GYS1: variants seen among roughly 807,000 people sequenced by gnomAD.
GYS1 encodes the protein glycogen synthase 1, also known as glycogen [starch] synthase, muscle.
GYS1 carries 60 observed loss-of-function variants against 89.1 expected under a neutral mutation model. The ratio of observed to expected loss-of-function variants is 0.67; its 90% CI spans 0.55 to 0.84. GYS1 has a LOEUF of 0.84. Ranked by LOEUF, GYS1 falls within the 40% of genes least tolerant of loss-of-function variation. GYS1 has a pLI of 0.00. For synonymous variants in GYS1, 366 were observed against 401.7 expected, an observed-to-expected ratio of 0.91 and a Z score of 1.06; for missense variants, 888 against 1,003.1, an observed-to-expected ratio of 0.89 and a Z score of 1.55.
chr19:48,976,139 A>G (rs1600136793), intron 10 of GYS1, among the ~76,000 whole-genome samples: 1 of 151,962 alleles, frequency 6.6e-6, no homozygotes, highest in East Asian at 1.9e-4. Flanking sequence ...CCGAGAAACT[A>G]CAACTCCCAG....
At chr19:48,992,967 C>T (rs770788501) in intron 1 of GYS1, 28 bp downstream of exon 1, 1 of 1,332,844 alleles carries the variant, frequency 7.5e-7, no homozygotes, top group Non-Finnish European at 1.1e-6. Flanking sequence ...TCCTTCTCGT[C>T]AAGGGCCCCG....
chr19:48,977,193 C>A (rs937392575), intron 10 of GYS1, among the ~76,000 whole-genome samples: 1 of 152,146 alleles, frequency 6.6e-6, no homozygotes, highest in Admixed American at 6.6e-5. Context: ...GCAGCCTCAG[C>A]CTCCTGGTCT....
At chr19:48,978,542 A>G (rs1352119945) in intron 8 of GYS1, among the ~76,000 whole-genome samples, 1 of 146,878 alleles carries the variant, frequency 6.8e-6, no homozygotes, top group African/African-American at 2.5e-5. Context: ...TATTATTATT[A>G]TTATTATTAT....
In GYS1 at chr19:48,969,390, G is replaced by T; in HGVS notation, c.2112C>A (p.Ser704Arg). 1 of 1,566,806 alleles carries T rather than the reference G, an allele frequency of 6.4e-7. No homozygotes were observed. The highest frequency in any genetic ancestry group is 1.4e-5 in the African/African-American group (1 of 73,812). The change falls in exon 16 of 16, where the codon AGC (serine) becomes AGA (arginine). Residue 704 changes from serine to arginine, a missense_variant. Ser to Arg is a moderately radical substitution (Grantham distance 110, BLOSUM62 -1). Coordinates refer to ENST00000323798, the MANE Select transcript of GYS1 (RefSeq NM_002103.5). Reference sequence around the variant, plus strand: ...TGTCCACAGAGTTGCGCTTGCTGCCGCTGGTGGAGGAGGTGCAGGACGCTC... The same window carrying T: ...TGTCCACAGAGTTGCGCTTGCTGCCTCTGGTGGAGGAGGTGCAGGACGCTC... ...PRRASCTSST[S>R]GSKRNSVDTA...
rs1555798424 is a variant in GYS1 at position 48,974,741 on chromosome 19, A to G, written c.1309-8T>C. On this transcript the variant is annotated splice_polypyrimidine_tract_variant and splice_region_variant and intron_variant, in intron 10 of 15. Coordinates refer to ENST00000323798, the MANE Select transcript of GYS1 (RefSeq NM_002103.5). ...AGGGGGGAAAGACTGCCGCTGCAGGAGCCACAAGAAGGGTAAGGGGTCATG... is the reference window on the plus strand; with the variant it reads ...AGGGGGGAAAGACTGCCGCTGCAGGGGCCACAAGAAGGGTAAGGGGTCATG... 9 of 1,579,524 alleles carry G rather than the reference A, an allele frequency of 5.7e-6. No homozygotes were observed. Among genetic ancestry groups the G allele is most frequent in the Non-Finnish European group, 7.8e-6 (9 of 1,148,872 alleles).
intron 7 of GYS1, 86 bp downstream of exon 7, chr19:48,982,169 A>G: frequency 1.4e-6 from 2 of 1,385,618 alleles, no homozygotes; most frequent in Non-Finnish European, 2.0e-6. Flanking sequence ...TTGGGATTAC[A>G]GGTGTGAGCC....
intron 5 of GYS1, among the ~76,000 whole-genome samples, chr19:48,984,662 G>A (rs2038814105): frequency 6.6e-6 from 1 of 152,066 alleles, no homozygotes; most frequent in Non-Finnish European, 1.5e-5. Context: ...CCAAAGTGTT[G>A]GGATTACAGG....
At chr19:48,982,181 C>A in intron 7 of GYS1, 74 bp downstream of exon 7, 2 of 1,485,522 alleles carry the variant, frequency 1.3e-6, no homozygotes, top group Non-Finnish European at 1.9e-6. Context: ...GTGTGAGCCA[C>A]TGTGCCTGGC....
At chr19:48,989,975 C>T (rs1199730459) in intron 2 of GYS1, among the ~76,000 whole-genome samples, 1 of 141,886 alleles carries the variant, frequency 7.0e-6, no homozygotes, top group Non-Finnish European at 1.5e-5. Flanking sequence ...CCTCCCCCTC[C>T]CAGCTGTTGT....
rs112516585 is a variant in GYS1, at chr19:48,978,247, C to T, written c.1170-90G>A. ...GTTAGTTTGTTTGTTTATTTTGAGA[C>T]GGAGTTTGGCTCTTGTTGCCCAGGC... On this transcript the variant is annotated intron_variant, in intron 8 of 15. Coordinates refer to ENST00000323798, the MANE Select transcript of GYS1 (RefSeq NM_002103.5). The T allele has an allele frequency of 5.5e-4, 630 of 1,152,130 alleles. 3 individuals are homozygous for T. In the African/African-American group the frequency reaches 8.3e-3, roughly 15 times the overall value. 71.4% of individuals were successfully genotyped at this position (1,152,130 alleles called of 1,614,324 possible).
Position 48,970,627 on chromosome 19 carries a change from C to T in GYS1, c.1728G>A (p.Gln576=). Residue 576 remains glutamine (Q), a synonymous_variant, in exon 14 of 16, where the codon CAG becomes CAA. Coordinates refer to ENST00000323798, the MANE Select transcript of GYS1 (RefSeq NM_002103.5). ...QLTSFLYSFC[Q]QSRRQRIIQR... ...GGATGATACGCTGCCGCCGGCTCTG[C>T]TGACAGAAACTGTAGAGGAAGGAGG... 1 of 1,613,966 alleles carries T rather than the reference C, an allele frequency of 6.2e-7. No homozygotes were observed. The highest frequency in any genetic ancestry group is 2.2e-5 in the East Asian group (1 of 44,878).
At position 48,969,181 on chromosome 19, in the gene GYS1, G is replaced by A. The variant is rs1468682099; in HGVS notation, c.*107C>T. 3 of 1,048,732 alleles carry A rather than the reference G, an allele frequency of 2.9e-6. No homozygotes were observed. Among genetic ancestry groups the A allele is most frequent in the Non-Finnish European group, 4.1e-6 (3 of 730,682 alleles). The allele number at this position is 1,048,732 out of a possible 1,614,324, so 65.0% of individuals were successfully genotyped here. On this transcript the variant is annotated 3_prime_UTR_variant, in exon 16 of 16. Transcript: ENST00000323798. ...GGCGGACTGGGTGGGGGCACTGCGG[G>A]GCCACACCCAGTGCAGATCTGGAGC...
chr19:48,968,598 T>C lies in GYS1; in HGVS notation c.*690A>G, dbSNP rs1382502628. 2.2e-6 allele frequency: 1 copy of C among 454,352 alleles called. No individual in the cohort carries two copies. 28.1% of individuals were successfully genotyped at this position (454,352 alleles called of 1,614,324 possible). ...CAGGAAGGCATCTGGACTGAGACTG[T>C]GTGTCCTCCAGAAGGAATGAGCAGC... On this transcript the variant is annotated 3_prime_UTR_variant, in exon 16 of 16. Transcript: ENST00000323798.
chr19:48,974,528 A>G, intron 11 of GYS1, 92 bp downstream of exon 11: 2 of 1,058,974 alleles, frequency 1.9e-6, no homozygotes, highest in Non-Finnish European at 2.9e-6. Flanking sequence ...AATACCTTTG[A>G]TAAAACTTAT....
intron 8 of GYS1, among the ~76,000 whole-genome samples, chr19:48,980,145 A>ACTCCCCACCGCGTCTCAATCATGC (rs2038736087): frequency 6.7e-6 from 1 of 150,356 alleles, no homozygotes; most frequent in Non-Finnish European, 1.5e-5. Context: ...GCCCCATGGG[A>ACTCCCCACCGCGTCTCAATCATGC]CTCCCCACCG....
rs761497163 is a variant in GYS1 at position 48,987,183 on chromosome 19, A to G, written c.492+11T>C. On this transcript the variant is annotated intron_variant, in intron 3 of 15. Transcript: ENST00000323798. ...TTCAGGTATGGGTGGAATGTGTCAG[A>G]CGGGGCCTACCTCACCCAGGAACCA... 1 of 1,597,402 alleles carries G rather than the reference A, an allele frequency of 6.3e-7. No homozygotes were observed. The highest frequency in any genetic ancestry group is 1.1e-5 in the South Asian group (1 of 90,314).
At position 48,968,813 on chromosome 19, in the gene GYS1, C is replaced by T. The variant is rs1015769251; in HGVS notation, c.*475G>A. ...TTACCTTCAAACTCTGAAAGTGCCC[C>T]GGCTCTGGACTTGATCGCCCCATTC... On this transcript the variant is annotated 3_prime_UTR_variant, in exon 16 of 16. Coordinates refer to ENST00000323798, the MANE Select transcript of GYS1 (RefSeq NM_002103.5). The T allele has an allele frequency of 1.8e-5, 8 of 456,174 alleles. No individual in the cohort carries two copies. The East Asian group carries it at 2.1e-4, about 12-fold the overall frequency. The allele number at this position is 456,174 out of a possible 1,614,324, so 28.3% of individuals were successfully genotyped here.
intron 10 of GYS1, among the ~76,000 whole-genome samples, chr19:48,977,580 G>A (rs1047322639): frequency 3.3e-5 from 5 of 152,164 alleles, no homozygotes; most frequent in South Asian, 2.1e-4. Context: ...GCGACAGAGC[G>A]AGACTCCATC....
chr19:48,969,899 C>G, intron 14 of GYS1, 44 bp from the exon 15 acceptor site: 1 of 1,389,372 alleles, frequency 7.2e-7, no homozygotes, highest in South Asian at 1.2e-5. Flanking sequence ...GAGAGCCAGG[C>G]CCCACCCCCA....
Sources: gnomAD v4.1 joint callset for allele counts (sites outside exome capture counted in the v4.1 genomes callset) on GRCh38, gnomAD v4.1.1 for gene constraint, MANE v1.5 for transcripts, NCBI Gene and HGNC (gene_info 2026-07-23, HGNC 2026-07-21) for gene names.